Variants in ZNF341 observed in about 807,000 individuals in gnomAD.
ZNF341 encodes the protein zinc finger protein 341.
In ZNF341, 52 loss-of-function variants were observed where a neutral mutation model predicts 87.7. The ratio of observed to expected loss-of-function variants is 0.59; its 90% CI spans 0.47 to 0.75. ZNF341 has a LOEUF of 0.75. Ranked by LOEUF, ZNF341 falls within the 30% of genes least tolerant of loss-of-function variation. The pLI is 0.00. For missense variants in ZNF341, 977 were observed against 1,145.9 expected, an observed-to-expected ratio of 0.85 and a Z score of 2.13; for synonymous variants, 459 against 472.7, an observed-to-expected ratio of 0.97 and a Z score of 0.38.
At chr20:33,749,516 C>T (rs540107839) in intron 4 of ZNF341, among the ~76,000 whole-genome samples, 7 of 152,138 alleles carry the variant, frequency 4.6e-5, no homozygotes, top group Admixed American at 1.3e-4. Context: ...AGGCTGATCA[C>T]GAACTCTTGA....
rs1019904016 is a variant in ZNF341 at position 33,777,212 on chromosome 20, G to A, written c.1623-4079G>A. Among the ~76,000 whole-genome samples, 54 of 146,658 alleles carry A rather than the reference G, an allele frequency of 3.7e-4. 1 individual carries two copies. Among genetic ancestry groups the A allele is most frequent in the African/African-American group, 1.1e-3 (42 of 39,634 alleles). On this transcript the variant is annotated intron_variant, in intron 10 of 14. Transcript: ENST00000375200. ...GTAGCATATGCCTGTGGTCTCAGCT[G>A]CTCAGGAGGCTGAGGCAGAAGAATT...
At chr20:33,760,555 G>GT (rs950664322) in intron 7 of ZNF341, among the ~76,000 whole-genome samples, 1 of 150,880 alleles carries the variant, frequency 6.6e-6, no homozygotes, top group East Asian at 1.9e-4. Context: ...ATTTTTTTTT[G>GT]TTTTTTGAGA....
chr20:33,761,583 G>T (rs1276488694), intron 7 of ZNF341, among the ~76,000 whole-genome samples: 1 of 152,158 alleles, frequency 6.6e-6, no homozygotes, highest in East Asian at 1.9e-4. Context: ...CATTTAAATG[G>T]GCTTGAACAA....
chr20:33,750,322 C>A (rs991761463), intron 4 of ZNF341, among the ~76,000 whole-genome samples: 1 of 152,168 alleles, frequency 6.6e-6, no homozygotes, highest in African/African-American at 2.4e-5. Flanking sequence ...TTTACTTCTC[C>A]CCTTGCTGTG....
chr20:33,790,507 A>G (rs2019985355), intron 14 of ZNF341, among the ~76,000 whole-genome samples: 1 of 152,200 alleles, frequency 6.6e-6, no homozygotes, highest in South Asian at 2.1e-4. Context: ...GTCTCTAGGC[A>G]TTGCTGAGTC....
At chr20:33,789,064 A>C in intron 13 of ZNF341, 90 bp downstream of exon 13, 2 of 889,308 alleles carry the variant, frequency 2.2e-6, no homozygotes, top group Non-Finnish European at 3.4e-6. Context: ...GTCAGGCCTG[A>C]GGGCAGGCCT....
intron 10 of ZNF341, among the ~76,000 whole-genome samples, chr20:33,772,200 C>T (rs1007506416): frequency 2.0e-5 from 3 of 152,008 alleles, no homozygotes; most frequent in African/African-American, 7.3e-5. Context: ...CCCCCATCTG[C>T]AGTCATTTTG....
chr20:33,791,268 G>A lies in ZNF341; in HGVS notation c.2316G>A (p.Gly772=), dbSNP rs1428509029. The change falls in exon 15 of 15, where the codon GGG becomes GGA. Residue 772 remains glycine (G), a synonymous_variant. Transcript: ENST00000375200. Reference sequence around the variant, plus strand: ...TGACCCCCTTGCCTGACCCGCTGGGGCTGGAGGAGCTGAAGGACACAGGGG... The same window carrying A: ...TGACCCCCTTGCCTGACCCGCTGGGACTGGAGGAGCTGAAGGACACAGGGG... The part of the protein sequence containing the change: ...KVLTPLPDPL[G]LEELKDTGAG... The A allele has an allele frequency of 1.9e-6, 3 of 1,611,670 alleles. No individual in the cohort carries two copies. The highest frequency in any genetic ancestry group is 1.7e-5 in the Admixed American group (1 of 59,962).
rs557138406 is a variant in ZNF341 at position 33,785,474 on chromosome 20, A to T, written c.1852+1610A>T. ...TGCCTCAGCCTCCCGAGTAGCTGGGATTACAGGCGCCCACCACATGCCTGG... is the reference window on the plus strand; with the variant it reads ...TGCCTCAGCCTCCCGAGTAGCTGGGTTTACAGGCGCCCACCACATGCCTGG... On this transcript the variant is annotated intron_variant, in intron 12 of 14. Transcript: ENST00000375200. Among the ~76,000 whole-genome samples the T allele has an allele frequency of 2.0e-5, 3 of 152,148 alleles. No individual in the cohort carries two copies. In the East Asian group the frequency reaches 5.8e-4, roughly 29 times the overall value.
chr20:33,788,712 A>G (rs1052119254), intron 12 of ZNF341, 151 bp from the exon 13 acceptor site: 1 of 710,380 alleles, frequency 1.4e-6, no homozygotes, highest in Non-Finnish European at 2.6e-6. Context: ...GTCTCTGGCA[A>G]AACAAAGCCA....
At chr20:33,748,152 A>G (rs1323003877) in intron 3 of ZNF341, among the ~76,000 whole-genome samples, 1 of 151,512 alleles carries the variant, frequency 6.6e-6, no homozygotes, top group Non-Finnish European at 1.5e-5. Flanking sequence ...GCTCACTGCA[A>G]CCTCCATCTC....
At chr20:33,758,923 C>T (rs2019236850) in intron 7 of ZNF341, 117 bp downstream of exon 7, 2 of 829,350 alleles carry the variant, frequency 2.4e-6, no homozygotes, top group Admixed American at 4.2e-5. Flanking sequence ...GCTGCACTTG[C>T]ATGTTCAGGC....
At position 33,758,809 on chromosome 20, in the gene ZNF341, A is replaced by G; in HGVS notation, c.1028+3A>G. On this transcript the variant is annotated splice_donor_region_variant and intron_variant, in intron 7 of 14. Transcript: ENST00000375200. ...GACCTGCAGCAGCACATCCGAAGGT[A>G]CACATGCGTGGTGAGGCAGGTGGCT... The G allele has an allele frequency of 6.2e-7, 1 of 1,613,546 alleles. No individual in the cohort carries two copies. The highest frequency in any genetic ancestry group is 8.5e-7 in the Non-Finnish European group (1 of 1,179,764).
rs548375525 is a variant in ZNF341, at chr20:33,791,349, G to A, written c.2397G>A (p.Ala799=). 75 of 1,612,266 alleles carry A rather than the reference G, an allele frequency of 4.7e-5. No homozygotes were observed. Among genetic ancestry groups the A allele is most frequent in the Non-Finnish European group, 5.7e-5 (67 of 1,179,424 alleles). Residue 799 remains alanine, a synonymous_variant, in exon 15 of 15, where the codon GCG becomes GCA. Coordinates refer to ENST00000375200, the MANE Select transcript of ZNF341 (RefSeq NM_001282933.2). ...PGKPPFAEPD[A]VLSIVVGGAV... is the part of the protein sequence containing the mutation. ...AGCCGCCCTTCGCAGAGCCGGACGC[G>A]GTGCTGTCCATCGTTGTGGGTGGTG...
chr20:33,777,467 T>C (rs2019652033), intron 10 of ZNF341, among the ~76,000 whole-genome samples: 1 of 151,602 alleles, frequency 6.6e-6, no homozygotes, highest in African/African-American at 2.4e-5. Flanking sequence ...AAATGCCGTA[T>C]CTACTAAATT....
At position 33,735,549 on chromosome 20, in the gene ZNF341, A is replaced by G. The variant is rs529306302; in HGVS notation, c.31+3497A>G. Among the ~76,000 whole-genome samples, 7 of 152,210 alleles carry G rather than the reference A, an allele frequency of 4.6e-5. No homozygotes were observed. In the South Asian group the frequency reaches 1.2e-3, roughly 27 times the overall value. ...CCCAGGTTGATCTTGAACTCCTAGC[A>G]TCAAGCAGTCCTCCTGCATTGACTT... is the stretch of plus-strand genomic sequence containing the variant. On this transcript the variant is annotated intron_variant, in intron 1 of 14. Coordinates refer to ENST00000375200, the MANE Select transcript of ZNF341 (RefSeq NM_001282933.2).
chr20:33,783,611 C>G, intron 11 of ZNF341, 121 bp from the exon 12 acceptor site: 1 of 1,425,052 alleles, frequency 7.0e-7, no homozygotes, highest in Non-Finnish European at 9.7e-7. Context: ...GTCCTGGCCC[C>G]TGATAGCCAG....
At position 33,781,364 on chromosome 20, in the gene ZNF341, T is replaced by C; in HGVS notation, c.1696T>C (p.Phe566Leu). ...EHHLQTATHN[F>L]PCPHCQKVFP... is the part of the protein sequence containing the mutation. The stretch of plus-strand genomic sequence containing the variant: ...CCACCTGCAGACCGCCACTCACAAC[T>C]TCCCCTGCCCACACTGCCAGAAGGT... The change falls in exon 11 of 15, where the codon TTC becomes CTC. Residue 566 changes from phenylalanine to leucine, a missense_variant. By Grantham distance (22) the Phe-to-Leu change is conservative. Around this residue, in one of 3 missense-constraint regions of ZNF341, gnomAD observed 241 missense variants for 335.0 expected, o/e 0.72. Transcript: ENST00000375200. The C allele has an allele frequency of 6.2e-7, 1 of 1,614,066 alleles. No homozygotes were observed. Among genetic ancestry groups the C allele is most frequent in the South Asian group, 1.1e-5 (1 of 91,082 alleles).
At chr20:33,761,385 C>T (rs1214858877) in intron 7 of ZNF341, among the ~76,000 whole-genome samples, 1 of 152,132 alleles carries the variant, frequency 6.6e-6, no homozygotes, top group African/African-American at 2.4e-5. Context: ...CTGCCTCAGC[C>T]TCCTGAGTAG....
Sources: allele counts gnomAD v4.1 joint callset (sites outside exome capture counted in the v4.1 genomes callset), GRCh38; gene constraint gnomAD v4.1.1; regional missense constraint gnomAD v4.1.1; transcripts MANE v1.5; gene names NCBI Gene and HGNC (gene_info 2026-07-23, HGNC 2026-07-21).